Variants in SGK2 observed in about 807,000 individuals in gnomAD.
SGK2 encodes the protein serine/threonine-protein kinase Sgk2.
SGK2 carries 36 observed loss-of-function variants against 47.5 expected under a neutral mutation model. The observed-to-expected ratio is 0.76, with a 90% CI of 0.58 to 1.00. The LOEUF is 1.00. Among genes scored for constraint, SGK2 ranks in the 50% least tolerant of loss-of-function variants. The pLI, the probability that SGK2 is intolerant of heterozygous loss-of-function variation, is 0.00. For missense variants in SGK2, 404 were observed against 467.4 expected, an observed-to-expected ratio of 0.86 and a Z score of 1.25; for synonymous variants, 157 against 181.9, an observed-to-expected ratio of 0.86 and a Z score of 1.10.
At chr20:43,567,210 A>G in intron 3 of SGK2, 93 bp downstream of exon 3, 1 of 1,076,186 alleles carries the variant, frequency 9.3e-7, no homozygotes, top group South Asian at 1.3e-5. Flanking sequence ...TCTCTGGTCT[A>G]GCATTCAAGA....
intron 8 of SGK2, 62 bp downstream of exon 8, chr20:43,571,122 C>G: frequency 1.9e-6 from 3 of 1,599,828 alleles, no homozygotes; most frequent in Admixed American, 1.7e-5. Flanking sequence ...CACAGGTACA[C>G]TATCTGACCA....
At chr20:43,580,910 C>T (rs1053853670) in intron 12 of SGK2, among the ~76,000 whole-genome samples, 8 of 151,450 alleles carry the variant, frequency 5.3e-5, no homozygotes, top group Non-Finnish European at 1.0e-4. Flanking sequence ...GAGTCTCACT[C>T]TGTTGCCCAG....
chr20:43,566,026 G>T (rs1301339023), intron 1 of SGK2: 3 of 306,394 alleles, frequency 9.8e-6, no homozygotes, highest in African/African-American at 6.4e-5. Flanking sequence ...CCCAGCCTGT[G>T]CTTCACAAGG....
intron 11 of SGK2, among the ~76,000 whole-genome samples, chr20:43,579,319 T>TA (rs1980653856): frequency 6.6e-6 from 1 of 152,098 alleles, no homozygotes; most frequent in Non-Finnish European, 1.5e-5. Flanking sequence ...CCCAGCCTCT[T>TA]ACGGAGATAT....
chr20:43,565,489 A>T (rs1979646394), intron 1 of SGK2, among the ~76,000 whole-genome samples: 1 of 151,826 alleles, frequency 6.6e-6, no homozygotes, highest in Admixed American at 6.5e-5. Flanking sequence ...GGGCTGGGGG[A>T]TCCTCTCAGT....
At chr20:43,570,543 G>A in intron 6 of SGK2, 74 bp from the exon 7 acceptor site, 1 of 970,108 alleles carries the variant, frequency 1.0e-6, no homozygotes, top group Non-Finnish European at 1.6e-6. Context: ...CAGCCGCACA[G>A]GGCGGGGAGC....
chr20:43,567,520 G>C, intron 3 of SGK2, 145 bp from the exon 4 acceptor site: 1 of 713,770 alleles, frequency 1.4e-6, no homozygotes, highest in African/African-American at 1.8e-5. Context: ...AGAACATGGG[G>C]TTCTTCGGGG....
In SGK2 at chr20:43,571,064, GGT is replaced by G. The variant is rs11467250; in HGVS notation, c.510+41_510+42del. 186,535 of 1,534,928 alleles carry G rather than the reference GGT, an allele frequency of 0.12. 1,157 individuals carry two copies. The highest frequency in any genetic ancestry group is 0.14 in the Non-Finnish European group (153,771 of 1,125,840). ...GAACATTCTCTTGGACTGCCAGGTT[GGT>G]GTGTGTGTGTGTGTGTGTGTGTGTG... On this transcript the variant is annotated splice_donor_5th_base_variant and intron_variant, in intron 8 of 12. Transcript: ENST00000373100.
intron 1 of SGK2, among the ~76,000 whole-genome samples, chr20:43,564,476 C>G (rs938576216): frequency 6.6e-6 from 1 of 152,044 alleles, no homozygotes; most frequent in African/African-American, 2.4e-5. Flanking sequence ...TAGCCGCACG[C>G]ATGCGTGCAT....
intron 1 of SGK2, among the ~76,000 whole-genome samples, chr20:43,562,332 A>G (rs1445353678): frequency 6.9e-6 from 1 of 145,206 alleles, no homozygotes; most frequent in Non-Finnish European, 1.5e-5. Flanking sequence ...GTGGGAGAAT[A>G]GCTTGAGCCA....
chr20:43,568,094 T>C (rs1979853389), intron 5 of SGK2, 95 bp downstream of exon 5: 1 of 953,450 alleles, frequency 1.0e-6, no homozygotes, highest in African/African-American at 1.6e-5. Flanking sequence ...GACAGGTCCA[T>C]GGGCCTGGGT....
intron 3 of SGK2, 96 bp downstream of exon 3, chr20:43,567,213 A>G (rs1797393564): frequency 9.6e-7 from 1 of 1,040,140 alleles, no homozygotes; most frequent in Non-Finnish European, 1.5e-6. Context: ...CTGGTCTAGC[A>G]TTCAAGACTG....
intron 8 of SGK2, among the ~76,000 whole-genome samples, chr20:43,571,791 C>A (rs924981412): frequency 5.3e-5 from 8 of 152,172 alleles, no homozygotes; most frequent in African/African-American, 1.7e-4. Flanking sequence ...GGTTTTCTGT[C>A]CACAAGCTGC....
chr20:43,569,162 T>C (rs1008622127), intron 5 of SGK2, among the ~76,000 whole-genome samples: 1 of 152,108 alleles, frequency 6.6e-6, no homozygotes, highest in African/African-American at 2.4e-5. Flanking sequence ...TGTGCCCACA[T>C]GAACTAGCTT....
chr20:43,579,989 T>C lies in SGK2; in HGVS notation c.867T>C (p.His289=), dbSNP rs749201055. 3.7e-6 allele frequency: 6 copies of C among 1,613,144 alleles called. No homozygotes were observed. Among genetic ancestry groups the C allele is most frequent in the Non-Finnish European group, 5.1e-6 (6 of 1,179,330 alleles). ...TCCTGCAGCTTGAGATTAAGAACCA[T>C]GTATTCTTCAGCCCCATAAACTGGG... ...SKADFLEIKN[H]VFFSPINWDD... The change falls in exon 12 of 13, where the codon CAT becomes CAC. Residue 289 remains histidine, a synonymous_variant. Coordinates refer to ENST00000373100, the MANE Select transcript of SGK2 (RefSeq NM_170693.3).
chr20:43,585,115 G>A lies in SGK2; in HGVS notation c.*99G>A, dbSNP rs992539093. 9 of 1,159,414 alleles carry A rather than the reference G, an allele frequency of 7.8e-6. No homozygotes were observed. Among genetic ancestry groups the A allele is most frequent in the East Asian group, 4.8e-5 (2 of 42,028 alleles). 71.8% of individuals were successfully genotyped at this position (1,159,414 alleles called of 1,614,324 possible). ...GACTCAAACTAACAATGGCTTCAAC[G>A]AGAAGCAGGTTTATTTTTTCCAGCA... On this transcript the variant is annotated 3_prime_UTR_variant, in exon 13 of 13. Transcript: ENST00000373100.
chr20:43,566,940 A>G, intron 2 of SGK2, 128 bp from the exon 3 acceptor site: 1 of 713,198 alleles, frequency 1.4e-6, no homozygotes, highest in Admixed American at 2.7e-5. Flanking sequence ...GGCAGGTGAA[A>G]AAAAAAGAAA....
intron 11 of SGK2, among the ~76,000 whole-genome samples, chr20:43,579,011 C>CTTTT (rs10523244): frequency 3.5e-5 from 5 of 143,880 alleles, no homozygotes; most frequent in Non-Finnish European, 6.1e-5. Flanking sequence ...CTTTCGGAGG[C>CTTTT]TTTTTTTTTT....
chr20:43,567,148 A>G, intron 3 of SGK2, 31 bp downstream of exon 3: 1 of 1,589,174 alleles, frequency 6.3e-7, no homozygotes, highest in South Asian at 1.1e-5. Context: ...CACCTTTCCT[A>G]CTTGACTCCC....
Sources: allele counts gnomAD v4.1 joint callset (sites outside exome capture counted in the v4.1 genomes callset), GRCh38; gene constraint gnomAD v4.1.1; transcripts MANE v1.5; gene names NCBI Gene and HGNC (gene_info 2026-07-23, HGNC 2026-07-21).